The following GALNT13 variants were observed in gnomAD, a reference collection of about 807,000 sequenced individuals.
GALNT13 encodes the protein UDP-GalNAc:polypeptide N-acetylgalactosaminyltransferase 13.
In GALNT13, 28 loss-of-function variants were observed where a neutral mutation model predicts 64.2. That is an observed-to-expected ratio of 0.44 (90% confidence interval 0.32 to 0.60). The LOEUF (loss-of-function observed/expected upper bound fraction) is 0.60, where lower values mean the gene tolerates loss of function less well. Among genes scored for constraint, GALNT13 ranks in the 20% least tolerant of loss-of-function variants. The probability of loss-of-function intolerance (pLI) is 0.05; values close to 1 mark genes in which losing one functional copy is unlikely to be tolerated. For synonymous variants in GALNT13, 214 were observed against 224.6 expected (o/e 0.95, Z 0.42); for missense variants, 577 against 669.8 (o/e 0.86, Z 1.53).
At chr2:153,575,279 CTG>C in the GALNT13 span, among the ~76,000 whole-genome samples, 1 of 152,200 alleles carries the variant, frequency 6.6e-6, no homozygotes, top group South Asian at 2.1e-4. Flanking sequence ...AAAAGCTCTC[CTG>C]TGGTCTCCAC....
At chr2:153,080,190 A>G in the GALNT13 span, among the ~76,000 whole-genome samples, 1 of 152,172 alleles carries the variant, frequency 6.6e-6, no homozygotes, top group African/African-American at 2.4e-5. Context: ...TAGCTTTTAT[A>G]TTCATTTTTT....
At chr2:153,945,517 A>G (rs1691667097) in intron 3 of GALNT13, among the ~76,000 whole-genome samples, 1 of 152,178 alleles carries the variant, frequency 6.6e-6, no homozygotes, top group South Asian at 2.1e-4. Context: ...CAATTGAAGT[A>G]TCATGACATG....
Position 154,023,251 on chromosome 2 carries a change from A to G in GALNT13, c.142+78612A>G, listed in dbSNP as rs1365071319. Among the ~76,000 whole-genome samples, 17 of 152,062 alleles carry G rather than the reference A, an allele frequency of 1.1e-4. 1 individual carries two copies. The highest frequency in any genetic ancestry group is 1.1e-3 in the Admixed American group (17 of 15,264). On this transcript the variant is annotated intron_variant, in intron 3 of 12. Transcript: ENST00000392825. The stretch of plus-strand genomic sequence containing the variant: ...AGTTCAATTCCTGGGTATCCTTGTT[A>G]ACTTTCTGTCTCGTTTATCTGTCTA...
At chr2:153,534,522 C>T in the GALNT13 span, among the ~76,000 whole-genome samples, 79,563 of 140,296 alleles carry the variant, frequency 0.57, 25,351 homozygotes, top group African/African-American at 0.85. Context: ...CTCTTTCTTT[C>T]TTTCTTTTTT....
intron 4 of GALNT13, among the ~76,000 whole-genome samples, chr2:154,184,165 TA>T (rs1457305075): frequency 2.6e-5 from 4 of 152,092 alleles, no homozygotes; most frequent in Non-Finnish European, 4.4e-5. Context: ...TATTATAGAA[TA>T]ACCTTCTTTA....
intron 11 of GALNT13, among the ~76,000 whole-genome samples, chr2:154,426,786 A>G (rs977741118): frequency 2.6e-5 from 4 of 152,164 alleles, no homozygotes; most frequent in Non-Finnish European, 4.4e-5. Flanking sequence ...TGTCAGTCAC[A>G]TTTTGTTATT....
chr2:153,341,813 A>G, the GALNT13 span, among the ~76,000 whole-genome samples: 1 of 152,168 alleles, frequency 6.6e-6, no homozygotes, highest in African/African-American at 2.4e-5. Flanking sequence ...TTACCAGGCT[A>G]TTATATTTTT....
the GALNT13 span, among the ~76,000 whole-genome samples, chr2:153,568,378 T>C: frequency 7.9e-5 from 12 of 152,134 alleles, no homozygotes; most frequent in African/African-American, 2.9e-4. Flanking sequence ...CTACCACACC[T>C]GGCACAAAGC....
the GALNT13 span, among the ~76,000 whole-genome samples, chr2:153,760,968 A>C: frequency 6.6e-6 from 1 of 152,142 alleles, no homozygotes; most frequent in Non-Finnish European, 1.5e-5. Flanking sequence ...TTATCCTTAA[A>C]CATTATGTAA....
chr2:153,847,723 G>C, the GALNT13 span, among the ~76,000 whole-genome samples: 2 of 152,286 alleles, frequency 1.3e-5, no homozygotes, highest in East Asian at 3.9e-4. Context: ...TACCCAGATA[G>C]AGCAGTGCTT....
chr2:153,539,676 C>T, the GALNT13 span, among the ~76,000 whole-genome samples: 4 of 151,352 alleles, frequency 2.6e-5, no homozygotes, highest in African/African-American at 9.8e-5. Flanking sequence ...TTGTTTTTCT[C>T]AGGTTTGTCA....
At chr2:153,084,086 A>G in the GALNT13 span, among the ~76,000 whole-genome samples, 2 of 152,090 alleles carry the variant, frequency 1.3e-5, no homozygotes, top group Non-Finnish European at 2.9e-5. Context: ...ATTCTGTTCC[A>G]TTGGTCTACA....
At chr2:153,686,377 T>A in the GALNT13 span, among the ~76,000 whole-genome samples, 1 of 152,016 alleles carries the variant, frequency 6.6e-6, no homozygotes, top group African/African-American at 2.4e-5. Context: ...TAGTTAGCTG[T>A]ATTCCTAGGT....
At chr2:153,251,833 G>T in the GALNT13 span, among the ~76,000 whole-genome samples, 1 of 151,736 alleles carries the variant, frequency 6.6e-6, no homozygotes, top group Non-Finnish European at 1.5e-5. Flanking sequence ...GTATTCCATG[G>T]TGTATATGTG....
Position 153,984,884 on chromosome 2 carries a change from A to G in GALNT13, c.142+40245A>G, listed in dbSNP as rs182460661. On this transcript the variant is annotated intron_variant, in intron 3 of 12. Coordinates refer to ENST00000392825, the MANE Select transcript of GALNT13 (RefSeq NM_052917.4). ...CAGTATTAAATCTGCTGTGAATTGT[A>G]TCCAGTTCTTTACTTCTATTGTATT... Among the ~76,000 whole-genome samples the G allele has an allele frequency of 1.4e-3, 219 of 151,868 alleles. 3 individuals carry two copies. The highest frequency in any genetic ancestry group is 9.7e-3 in the South Asian group (47 of 4,828).
the GALNT13 span, among the ~76,000 whole-genome samples, chr2:153,259,929 T>C: frequency 6.6e-6 from 1 of 152,202 alleles, no homozygotes. Context: ...ATTTCTCAGA[T>C]GGCATGCTTT....
intron 4 of GALNT13, among the ~76,000 whole-genome samples, chr2:154,239,747 G>A (rs1421740859): frequency 1.3e-5 from 2 of 152,090 alleles, no homozygotes; most frequent in Non-Finnish European, 2.9e-5. Context: ...TCAAATAAAT[G>A]TATGCTGGAA....
At chr2:154,202,920 G>T (rs1011541243) in intron 4 of GALNT13, among the ~76,000 whole-genome samples, 1 of 152,100 alleles carries the variant, frequency 6.6e-6, no homozygotes, top group South Asian at 2.1e-4. Flanking sequence ...TCTGGGCTAG[G>T]AAAATATAAT....
At chr2:153,523,043 A>ATTTTTTTTTTT in the GALNT13 span, among the ~76,000 whole-genome samples, 10 of 83,382 alleles carry the variant, frequency 1.2e-4, 1 homozygote, top group African/African-American at 2.0e-4. Context: ...TGTGTTTACT[A>ATTTTTTTTTTT]TTTTTTTTTT....
Sources: allele counts gnomAD v4.1 joint callset (sites outside exome capture counted in the v4.1 genomes callset), GRCh38; gene constraint gnomAD v4.1.1; transcripts MANE v1.5; gene names NCBI Gene and HGNC (gene_info 2026-07-23, HGNC 2026-07-21).